The following ZNF117 variants were observed in gnomAD, a reference collection of about 807,000 sequenced individuals.
ZNF117 encodes the protein Krueppel-related zinc finger protein.
ZNF117 carries 37 observed loss-of-function variants against 41.2 expected under a neutral mutation model. The ratio of observed to expected loss-of-function variants is 0.90; its 90% confidence interval spans 0.69 to 1.18. The LOEUF (loss-of-function observed/expected upper bound fraction) is 1.18. Ranked by LOEUF, ZNF117 falls within the 50% of genes most tolerant of loss-of-function variation. The pLI is 0.00. For synonymous variants in ZNF117, 186 were observed against 186.6 expected (o/e 1.00, Z 0.02); for missense variants, 546 against 557.5 (o/e 0.98, Z 0.21).
At chr7:64,980,341 T>C (rs1031491668) in intron 2 of ZNF117, 1 of 151,974 alleles carries the variant, frequency 6.6e-6, no homozygotes, top group Non-Finnish European at 1.5e-5. Flanking sequence ...CATAGCTCTA[T>C]CAGATATTAT....
chr7:64,981,455 A>T (rs1786031346), exon 2 of ZNF117: 1 of 1,611,262 alleles, frequency 6.2e-7, no homozygotes, highest in Non-Finnish European at 8.5e-7. Flanking sequence ...CAGACAGGTA[A>T]TCAGGTCTGG....
exon 1 of ZNF117, chr7:64,990,323 AT>A (rs1463287329): frequency 6.4e-6 from 1 of 156,106 alleles, no homozygotes; most frequent in Non-Finnish European, 1.4e-5. Context: ...GAATGCTTAT[AT>A]GTTGTGGGAA....
At chr7:64,981,864 ATTTTTTT>A in intron 1 of ZNF117, 113 bp downstream of exon 2, 1 of 375,466 alleles carries the variant, frequency 2.7e-6, no homozygotes. Flanking sequence ...AATCTAAAAG[ATTTTTTT>A]GAAAACAGGG....
At chr7:64,972,576 T>C (rs1050261046), downstream of ZNF117, 2 of 152,068 alleles carry the variant, frequency 1.3e-5, no homozygotes, top group Non-Finnish European at 2.9e-5. Context: ...TACACAGGGA[T>C]TCTAAGAAAC....
upstream of ZNF117, among the ~76,000 whole-genome samples, chr7:64,982,943 C>A (rs1454677209): frequency 6.6e-6 from 1 of 152,188 alleles, no homozygotes; most frequent in African/African-American, 2.4e-5. Context: ...AGCTTCACTG[C>A]TGCGATATTG....
At chr7:64,976,972 A>G (rs201412540) in exon 3 of ZNF117, 68 of 534,806 alleles carry the variant, frequency 1.3e-4, no homozygotes, top group African/African-American at 1.2e-3. Context: ...CATTCTTCAC[A>G]TTTGTAGGGT....
chr7:64,986,864 C>G (rs905437953), upstream of ZNF117, among the ~76,000 whole-genome samples: 1 of 151,962 alleles, frequency 6.6e-6, no homozygotes, highest in Non-Finnish European at 1.5e-5. Flanking sequence ...ACTACAACAC[C>G]CCACAGACAC....
At chr7:64,982,161 T>C, upstream of ZNF117, 1 of 676,200 alleles carries the variant, frequency 1.5e-6, no homozygotes, top group South Asian at 1.9e-5. Context: ...CACATACATT[T>C]ACCAAGTGGC....
chr7:64,974,417 ACAAAG>A (rs1171706724), downstream of ZNF117: 1 of 151,940 alleles, frequency 6.6e-6, no homozygotes, highest in Non-Finnish European at 1.5e-5. Flanking sequence ...TGAATTCAAT[ACAAAG>A]CAGAGTATAC....
At position 64,982,023 on chromosome 7, in the gene ZNF117, T is replaced by A; in HGVS notation, c.-102A>T. On this transcript the variant is annotated 5_prime_UTR_variant, in exon 1 of 3. An upstream start codon of the reference 5' UTR is lost. Transcript: ENST00000620222. ...ACCAGGTTTCTGTAGTTCTCTCACA[T>A]CACATGCCTATATAAATTCTGCTGT... 2.5e-6 allele frequency: 2 copies of A among 805,778 alleles called. No homozygotes were observed. Among genetic ancestry groups the A allele is most frequent in the Non-Finnish European group, 4.3e-6 (2 of 470,462 alleles). 49.9% of individuals were successfully genotyped at this position (805,778 alleles called of 1,614,324 possible). A position where few individuals can be genotyped will look rare whatever the true frequency, so the allele number is the denominator to read the frequency against.
chr7:64,984,286 C>T (rs1282950485), upstream of ZNF117, among the ~76,000 whole-genome samples: 1 of 152,192 alleles, frequency 6.6e-6, no homozygotes, highest in East Asian at 1.9e-4. Context: ...CATGTGCCAT[C>T]ACGCCCAACT....
chr7:64,978,772 G>A lies in ZNF117; in HGVS notation c.799C>T (p.His267Tyr), dbSNP rs772127527. 5.0e-6 allele frequency: 8 copies of A among 1,613,242 alleles called. No individual in the cohort carries two copies. Among genetic ancestry groups the A allele is most frequent in the Non-Finnish European group, 6.8e-6 (8 of 1,179,714 alleles). The change falls in exon 3 of 3, where the codon CAT becomes TAT. Residue 267 changes from histidine (H) to tyrosine (Y), a missense_variant. Coordinates refer to ENST00000620222, the Ensembl canonical transcript of ZNF117. ...TTCTCTCCAGTATGAATGTACTTAT[G>A]TTCAGTAAGTTTTGAGGATCGGTTA...
downstream of ZNF117, chr7:64,972,917 G>A (rs1584042232): frequency 6.6e-6 from 1 of 152,016 alleles, no homozygotes; most frequent in Non-Finnish European, 1.5e-5. Flanking sequence ...ATTTATTACA[G>A]ATGGTAATGG....
Position 64,978,524 on chromosome 7 carries a change from AG to A in ZNF117, c.1046del (p.Thr349IlefsTer5). 2 of 1,613,300 alleles carry A rather than the reference AG, an allele frequency of 1.2e-6. No homozygotes were observed. The highest frequency in any genetic ancestry group is 3.3e-5 in the Admixed American group (2 of 59,922). On this transcript the variant is annotated frameshift_variant, in exon 3 of 3. Coordinates refer to ENST00000620222, the Ensembl canonical transcript of ZNF117. LOFTEE classifies it high-confidence loss of function. ...CTCCAGTATGAATTACCTTATGTCT[AG>A]TAAGGTTTGAGAGTTGGTTAAAAGC... is the stretch of plus-strand genomic sequence containing the variant.
downstream of ZNF117, chr7:64,972,365 A>C (rs1785797369): frequency 6.6e-6 from 1 of 152,098 alleles, no homozygotes; most frequent in Non-Finnish European, 1.5e-5. Context: ...TGTTTGCAAC[A>C]CTCTTCACAA....
intron 1 of ZNF117, among the ~76,000 whole-genome samples, chr7:64,988,106 A>G (rs2129120947): frequency 6.6e-6 from 1 of 152,286 alleles, no homozygotes; most frequent in African/African-American, 2.4e-5. Flanking sequence ...CTCATTATAT[A>G]AGAATGTCAT....
chr7:64,975,064 G>A (rs924759258), exon 3 of ZNF117: 1 of 151,860 alleles, frequency 6.6e-6, no homozygotes, highest in Non-Finnish European at 1.5e-5. Context: ...TTAGTTTAAA[G>A]TCACTGGCAA....
exon 1 of ZNF117, chr7:64,990,791 C>T (rs181613196): frequency 4.8e-4 from 74 of 155,128 alleles, no homozygotes; most frequent in African/African-American, 9.4e-4. Flanking sequence ...CCCACTCCTT[C>T]GGAGCCCCTG....
chr7:64,978,360 A>C (rs1279394214), exon 3 of ZNF117: 1 of 1,613,614 alleles, frequency 6.2e-7, no homozygotes, highest in Admixed American at 1.7e-5. Context: ...ACATGTACTA[A>C]GTTTTGAGGA....
Sources: allele counts gnomAD v4.1 joint callset (sites outside exome capture counted in the v4.1 genomes callset), GRCh38; gene constraint gnomAD v4.1.1; transcripts MANE v1.5; gene names NCBI Gene and HGNC (gene_info 2026-07-23, HGNC 2026-07-21).